Variants in NLGN1 observed in about 807,000 individuals in gnomAD.
NLGN1 encodes neuroligin-1.
A neutral mutation model predicts 65.5 loss-of-function variants in NLGN1; 12 were observed. The observed-to-expected ratio is 0.18, with a 90% CI of 0.12 to 0.30. The LOEUF (loss-of-function observed/expected upper bound fraction) is 0.30, where lower values mean the gene tolerates loss of function less well. Among genes scored for constraint, NLGN1 ranks in the 10% least tolerant of loss-of-function variants. The pLI, the probability that NLGN1 is intolerant of heterozygous loss-of-function variation, is 1.00. For missense variants in NLGN1, 750 were observed against 1,007.1 expected, an observed-to-expected ratio of 0.74 and a Z score of 3.46; for synonymous variants, 350 against 359.5, an observed-to-expected ratio of 0.97 and a Z score of 0.30.
intron 2 of NLGN1, among the ~76,000 whole-genome samples, chr3:173,510,838 T>C (rs1243168354): frequency 6.6e-6 from 1 of 152,180 alleles, no homozygotes; most frequent in African/African-American, 2.4e-5. Context: ...TGTCTGGAAA[T>C]GAATGTGGAA....
At chr3:174,046,030 G>A (rs577489303) in intron 4 of NLGN1, among the ~76,000 whole-genome samples, 1 of 152,132 alleles carries the variant, frequency 6.6e-6, no homozygotes, top group East Asian at 1.9e-4. Context: ...AAAATATTTG[G>A]TCATTATACT....
At position 174,035,213 on chromosome 3, in the gene NLGN1, T is replaced by C. The variant is rs149487570; in HGVS notation, c.646+227381T>C. Among the ~76,000 whole-genome samples the C allele has an allele frequency of 2.4e-3, 364 of 152,328 alleles. 3 individuals carry two copies. Among genetic ancestry groups the C allele is most frequent in the African/African-American group, 8.2e-3 (341 of 41,578 alleles). ...TTAAAAATTAATAAAATGTGAATAA[T>C]GTCATTATGAATTAGTCTCCTTTTG... is the stretch of plus-strand genomic sequence containing the variant. On this transcript the variant is annotated intron_variant, in intron 4 of 6. Transcript: ENST00000457714.
At chr3:173,583,046 T>G (rs1301849523) in intron 2 of NLGN1, among the ~76,000 whole-genome samples, 1 of 152,212 alleles carries the variant, frequency 6.6e-6, no homozygotes, top group Non-Finnish European at 1.5e-5. Context: ...CACAAATCCA[T>G]GAATATTTTT....
intron 4 of NLGN1, among the ~76,000 whole-genome samples, chr3:174,008,698 A>C (rs1051188535): frequency 6.6e-6 from 1 of 152,074 alleles, no homozygotes; most frequent in Non-Finnish European, 1.5e-5. Context: ...ACATTAATGT[A>C]TGGCAGGAAG....
chr3:174,084,703 C>T (rs1308158949), intron 4 of NLGN1, among the ~76,000 whole-genome samples: 1 of 152,048 alleles, frequency 6.6e-6, no homozygotes, highest in African/African-American at 2.4e-5. Context: ...CTGTTCCTGA[C>T]ATTTAATGCT....
intron 4 of NLGN1, among the ~76,000 whole-genome samples, chr3:174,226,659 G>C (rs1448349012): frequency 6.6e-6 from 1 of 151,984 alleles, no homozygotes; most frequent in Non-Finnish European, 1.5e-5. Flanking sequence ...TACTTTTTAA[G>C]TATTTTACAA....
intron 4 of NLGN1, among the ~76,000 whole-genome samples, chr3:173,991,887 A>G (rs1721200861): frequency 6.6e-6 from 1 of 152,070 alleles, no homozygotes; most frequent in South Asian, 2.1e-4. Context: ...ATCTTGGCTC[A>G]CTGCAACCTC....
At chr3:174,276,892 G>T (rs1750691292) in intron 5 of NLGN1, among the ~76,000 whole-genome samples, 1 of 151,576 alleles carries the variant, frequency 6.6e-6, no homozygotes. Flanking sequence ...CCACTATGTA[G>T]CTAAAGCAAC....
chr3:173,699,546 G>GTGAATACAAA (rs1766798830), intron 3 of NLGN1, among the ~76,000 whole-genome samples: 1 of 152,200 alleles, frequency 6.6e-6, no homozygotes, highest in South Asian at 2.1e-4. Context: ...TGTTCTTGCA[G>GTGAATACAAA]TGAATACAAA....
intron 4 of NLGN1, among the ~76,000 whole-genome samples, chr3:173,956,370 A>G (rs990137883): frequency 2.4e-4 from 36 of 152,078 alleles, no homozygotes; most frequent in Admixed American, 2.2e-3. Flanking sequence ...TTATTGTTGT[A>G]ATCTCCTTCC....
intron 4 of NLGN1, among the ~76,000 whole-genome samples, chr3:174,024,586 T>C (rs1264981): frequency 0.69 from 105,252 of 152,008 alleles, 37,209 homozygotes; most frequent in Admixed American, 0.81. Flanking sequence ...TCTGTAGAAC[T>C]CATCCAAGGC....
intron 2 of NLGN1, among the ~76,000 whole-genome samples, chr3:173,534,805 GT>G (rs1471279937): frequency 6.6e-6 from 1 of 152,148 alleles, no homozygotes; most frequent in Non-Finnish European, 1.5e-5. Flanking sequence ...TTTTAAATCA[GT>G]TTCCACATTT....
chr3:173,952,350 G>C (rs1163938048), intron 4 of NLGN1, among the ~76,000 whole-genome samples: 1 of 152,194 alleles, frequency 6.6e-6, no homozygotes, highest in Non-Finnish European at 1.5e-5. Flanking sequence ...CTCCAGAAGA[G>C]AGCTGTTGCC....
chr3:173,649,237 T>C (rs1045261682), intron 3 of NLGN1, among the ~76,000 whole-genome samples: 2 of 152,014 alleles, frequency 1.3e-5, no homozygotes, highest in African/African-American at 2.4e-5. Flanking sequence ...GATGGGACAC[T>C]GGGGAAGAGA....
rs188536492 is a variant in NLGN1, at chr3:173,477,945, A to G, written c.-321+42867A>G. Among the ~76,000 whole-genome samples the G allele has an allele frequency of 3.2e-4, 48 of 152,296 alleles. No homozygotes were observed. The East Asian group carries it at 8.7e-3, about 28-fold the overall frequency. On this transcript the variant is annotated intron_variant, in intron 2 of 6. Coordinates refer to ENST00000457714, the Ensembl canonical transcript of NLGN1. Reference sequence around the variant, plus strand: ...TGTGGAGAAATAGGAAGGCTTTTATACTGTTGGTGTGAATGTAAATTAGTT... The same window carrying G: ...TGTGGAGAAATAGGAAGGCTTTTATGCTGTTGGTGTGAATGTAAATTAGTT...
intron 4 of NLGN1, among the ~76,000 whole-genome samples, chr3:174,096,430 T>C (rs755589088): frequency 2.6e-5 from 4 of 151,948 alleles, no homozygotes; most frequent in Non-Finnish European, 5.9e-5. Context: ...TGCATTTAAC[T>C]TAAACAATAT....
chr3:174,208,292 G>A (rs535196690), intron 4 of NLGN1, among the ~76,000 whole-genome samples: 6 of 152,156 alleles, frequency 3.9e-5, no homozygotes, highest in African/African-American at 4.8e-5. Flanking sequence ...CTTAAGAAAC[G>A]ATGTACCAAA....
intron 3 of NLGN1, among the ~76,000 whole-genome samples, chr3:173,662,432 C>G (rs1761060468): frequency 6.6e-6 from 1 of 151,956 alleles, no homozygotes; most frequent in African/African-American, 2.4e-5. Flanking sequence ...CATGAAATCT[C>G]AATATCTGTT....
chr3:173,867,697 A>G (rs1480924378), intron 4 of NLGN1, among the ~76,000 whole-genome samples: 1 of 152,128 alleles, frequency 6.6e-6, no homozygotes, highest in African/African-American at 2.4e-5. Context: ...GATAGTGGTG[A>G]TGAAGGGTAC....
Sources: allele counts gnomAD v4.1 joint callset (sites outside exome capture counted in the v4.1 genomes callset), GRCh38; gene constraint gnomAD v4.1.1; transcripts MANE v1.5; gene names NCBI Gene and HGNC (gene_info 2026-07-23, HGNC 2026-07-21).